SOX6: variants seen among roughly 807,000 people sequenced by gnomAD.
The protein encoded by SOX6 is SRY-box transcription factor 6, also known as transcription factor SOX-6.
Under a neutral mutation model 97.8 loss-of-function variants are expected in SOX6, and 11 were observed. That is an observed-to-expected ratio of 0.11 (90% CI 0.07 to 0.19). The LOEUF is 0.19. Among genes scored for constraint, SOX6 ranks in the 10% least tolerant of loss-of-function variants. The probability of loss-of-function intolerance (pLI) is 1.00; values close to 1 mark genes in which losing one functional copy is unlikely to be tolerated. For missense variants in SOX6, 810 were observed against 1,039.5 expected, an observed-to-expected ratio of 0.78 and a Z score of 3.04; for synonymous variants, 360 against 371.4, an observed-to-expected ratio of 0.97 and a Z score of 0.35.
chr11:16,010,161 C>CACACACACAT (rs1431329640), intron 13 of SOX6, among the ~76,000 whole-genome samples: 1 of 151,346 alleles, frequency 6.6e-6, no homozygotes, highest in Non-Finnish European at 1.5e-5. Flanking sequence ...CACACACACA[C>CACACACACAT]ACACACACAC....
intron 4 of SOX6, among the ~76,000 whole-genome samples, chr11:16,550,367 T>G (rs1250304050): frequency 6.6e-6 from 1 of 151,958 alleles, no homozygotes; most frequent in Non-Finnish European, 1.5e-5. Flanking sequence ...CTAATGTAAA[T>G]GACGAGTTAA....
intron 3 of SOX6, among the ~76,000 whole-genome samples, chr11:16,678,408 G>T (rs1043292308): frequency 5.3e-5 from 8 of 152,240 alleles, no homozygotes; most frequent in African/African-American, 1.9e-4. Flanking sequence ...TTATTTAGAA[G>T]TATATTATTT....
chr11:16,224,664 A>G (rs995166584), intron 4 of SOX6, among the ~76,000 whole-genome samples: 2 of 151,998 alleles, frequency 1.3e-5, no homozygotes, highest in African/African-American at 2.4e-5. Context: ...AAAAAAAACT[A>G]TGGGTGTTGC....
chr11:16,713,956 G>A (rs145168816), intron 3 of SOX6, among the ~76,000 whole-genome samples: 1 of 152,258 alleles, frequency 6.6e-6, no homozygotes, highest in African/African-American at 2.4e-5. Flanking sequence ...TTCTGCCCAT[G>A]TGTGAATATG....
chr11:16,076,190 C>G (rs1456074241), intron 9 of SOX6, among the ~76,000 whole-genome samples: 1 of 152,122 alleles, frequency 6.6e-6, no homozygotes, highest in East Asian at 1.9e-4. Context: ...CCATTCTGGA[C>G]ATAGTTCCTG....
At chr11:16,426,508 C>T (rs192478738) in intron 1 of SOX6, among the ~76,000 whole-genome samples, 30 of 152,124 alleles carry the variant, frequency 2.0e-4, no homozygotes, top group Admixed American at 2.0e-3. Context: ...GACCACACAC[C>T]TACAACTATC....
intron 4 of SOX6, among the ~76,000 whole-genome samples, chr11:16,493,076 C>T (rs1002621509): frequency 6.6e-6 from 1 of 152,032 alleles, no homozygotes; most frequent in African/African-American, 2.4e-5. Context: ...GATAAAAATA[C>T]CACATCCTAT....
Position 16,506,204 on chromosome 11 carries a change from C to T in SOX6, n.610-29816G>A, listed in dbSNP as rs535256002. 4.6e-5 allele frequency among the ~76,000 whole-genome samples: 7 copies of T among 152,290 alleles called. No individual in the cohort carries two copies. In the South Asian group the frequency reaches 1.4e-3, roughly 32 times the overall value. ...GCAGCTACAGGGGCTATATCCTGCA[C>T]CACAGGGGTGGAGCTGCCCAAGGTC... is the stretch of plus-strand genomic sequence containing the variant. On this transcript the variant is annotated intron_variant and non_coding_transcript_variant, in intron 4 of 5. Coordinates refer to the SOX6 transcript ENST00000524520.
intron 3 of SOX6, among the ~76,000 whole-genome samples, chr11:16,267,620 T>A (rs1442815740): frequency 6.6e-6 from 1 of 151,580 alleles, no homozygotes; most frequent in Non-Finnish European, 1.5e-5. Context: ...ATAGCCATTA[T>A]GAAAAACTGT....
At chr11:16,035,128 C>T (rs1855484619) in intron 12 of SOX6, among the ~76,000 whole-genome samples, 1 of 152,166 alleles carries the variant, frequency 6.6e-6, no homozygotes, top group African/African-American at 2.4e-5. Context: ...ATTGTGCAGT[C>T]ACATGCACAC....
At chr11:16,443,372 A>G (rs552579533) in intron 1 of SOX6, among the ~76,000 whole-genome samples, 12 of 152,294 alleles carry the variant, frequency 7.9e-5, no homozygotes, top group African/African-American at 2.6e-4. Context: ...CAGGCTCTCC[A>G]TAAATGTCTG....
intron 3 of SOX6, among the ~76,000 whole-genome samples, chr11:16,622,597 T>C (rs2133989758): frequency 6.6e-6 from 1 of 152,332 alleles, no homozygotes; most frequent in Admixed American, 6.5e-5. Flanking sequence ...AATGCCATCA[T>C]TTTATTCCTT....
chr11:16,012,969 A>G (rs1157213596), intron 13 of SOX6, among the ~76,000 whole-genome samples: 1 of 152,016 alleles, frequency 6.6e-6, no homozygotes, highest in African/African-American at 2.4e-5. Flanking sequence ...ATATCCAAAA[A>G]TATTTATATG....
At chr11:16,713,133 T>C (rs1848193767) in intron 3 of SOX6, among the ~76,000 whole-genome samples, 1 of 152,194 alleles carries the variant, frequency 6.6e-6, no homozygotes, top group South Asian at 2.1e-4. Flanking sequence ...GATTTTTTCT[T>C]AGACAGCACA....
At chr11:16,730,447 A>G (rs1848340907) in intron 2 of SOX6, among the ~76,000 whole-genome samples, 1 of 152,222 alleles carries the variant, frequency 6.6e-6, no homozygotes, top group Admixed American at 6.5e-5. Flanking sequence ...AAACTCACTC[A>G]AAACCGCACA....
At chr11:16,188,350 T>G (rs759507438) in intron 4 of SOX6, among the ~76,000 whole-genome samples, 6 of 152,102 alleles carry the variant, frequency 3.9e-5, no homozygotes, top group South Asian at 2.1e-4. Flanking sequence ...TGTATTCCAC[T>G]GATAAGGAAA....
intron 1 of SOX6, among the ~76,000 whole-genome samples, chr11:16,409,195 A>T (rs893525327): frequency 2.6e-5 from 4 of 151,560 alleles, no homozygotes; most frequent in African/African-American, 9.7e-5. Context: ...AAATAATTTC[A>T]TTGCTATGAC....
chr11:16,102,475 T>C (rs1008878978), intron 7 of SOX6, among the ~76,000 whole-genome samples: 5 of 151,876 alleles, frequency 3.3e-5, no homozygotes, highest in African/African-American at 9.7e-5. Context: ...ACAAATTCAA[T>C]GTGATTCCCA....
intron 3 of SOX6, among the ~76,000 whole-genome samples, chr11:16,308,298 T>G (rs1258830960): frequency 6.6e-6 from 1 of 152,228 alleles, no homozygotes; most frequent in African/African-American, 2.4e-5. Flanking sequence ...AAAGTAATGA[T>G]AGTAAACTCT....
Sources: gnomAD v4.1 joint callset for allele counts (sites outside exome capture counted in the v4.1 genomes callset) on GRCh38, gnomAD v4.1.1 for gene constraint, MANE v1.5 for transcripts, NCBI Gene and HGNC (gene_info 2026-07-23, HGNC 2026-07-21) for gene names.